Variants in TYK2 observed in about 807,000 individuals in gnomAD.
The protein encoded by TYK2 is non-receptor tyrosine-protein kinase TYK2.
Under a neutral mutation model 130.9 loss-of-function variants are expected in TYK2, and 65 were observed. The observed-to-expected ratio is 0.50, with a 90% CI of 0.41 to 0.61. TYK2 has a LOEUF of 0.61. TYK2 is among the 20% of genes least tolerant of loss of function. The pLI is 0.00. For synonymous variants in TYK2, 647 were observed against 658.9 expected (o/e 0.98, Z 0.28); for missense variants, 1,378 against 1,610.7 (o/e 0.86, Z 2.47).
chr19:10,366,584 G>A lies in TYK2; in HGVS notation c.466-4C>T. The A allele has an allele frequency of 1.9e-6, 3 of 1,613,998 alleles. No homozygotes were observed. The highest frequency in any genetic ancestry group is 2.5e-6 in the Non-Finnish European group (3 of 1,180,002). ...CATTCACAAACTCATGCTTGCCCTG[G>A]GAACAGGAAATTGAGCAGAAAGGGA... On this transcript the variant is annotated splice_polypyrimidine_tract_variant and splice_region_variant and intron_variant, in intron 5 of 24. Transcript: ENST00000525621.
In TYK2 at chr19:10,352,923, C is replaced by T. The variant is rs143533630; in HGVS notation, c.3200+3G>A. The T allele has an allele frequency of 5.9e-4, 942 of 1,605,776 alleles. 13 individuals carry two copies. In the South Asian group the frequency reaches 7.7e-3, roughly 13 times the overall value. On this transcript the variant is annotated splice_donor_region_variant and intron_variant, in intron 22 of 24. Coordinates refer to ENST00000525621, the MANE Select transcript of TYK2 (RefSeq NM_003331.5). ...CCCCTCAGACTGCACCCCGCCTGGT[C>T]ACCAGAACACGGGGCTGTCCCCATC...
intron 14 of TYK2, among the ~76,000 whole-genome samples, chr19:10,360,554 G>A (rs947555936): frequency 6.6e-6 from 1 of 151,916 alleles, no homozygotes; most frequent in Non-Finnish European, 1.5e-5. Flanking sequence ...TGGGGGGGAT[G>A]GGCATGGATA....
intron 14 of TYK2, among the ~76,000 whole-genome samples, chr19:10,360,557 C>T (rs907906516): frequency 6.6e-6 from 1 of 151,502 alleles, no homozygotes; most frequent in Non-Finnish European, 1.5e-5. Flanking sequence ...GGGGGATGGG[C>T]ATGGATAAGC....
Position 10,364,764 on chromosome 19 carries a change from C to T in TYK2, c.1217G>A (p.Ser406Asn). The change falls in exon 9 of 25, where the codon AGC becomes AAC. Residue 406 changes from serine (S) to asparagine (N), a missense_variant. By Grantham distance (46) the Ser-to-Asn change is conservative. Coordinates refer to ENST00000525621, the MANE Select transcript of TYK2 (RefSeq NM_003331.5). The surrounding 1 kb of genome is among the most constrained non-coding windows in gnomAD (Gnocchi z 4.9). ...HRQDNKCLEL[S>N]LPSRAAALSF... ...CAGCGCCGCAGCCCGGGAAGGCAAG[C>T]TCAGCTCCTGCCAGCCAGGGGCGCA... 8 of 1,614,014 alleles carry T rather than the reference C, an allele frequency of 5.0e-6. No individual in the cohort carries two copies. The highest frequency in any genetic ancestry group is 6.8e-6 in the Non-Finnish European group (8 of 1,180,028).
chr19:10,361,148 C>T lies in TYK2; in HGVS notation c.2047+363G>A, dbSNP rs371459987. The T allele has an allele frequency of 4.0e-4, 201 of 508,750 alleles. No homozygotes were observed. In the East Asian group the frequency reaches 4.6e-3, roughly 12 times the overall value. 31.5% of individuals were successfully genotyped at this position (508,750 alleles called of 1,614,324 possible). ...GCTGAGGCCTAGGAGAATCAGCACA[C>T]ATCAGCACTGGAGTCTGCCTGAGGC... On this transcript the variant is annotated intron_variant, in intron 14 of 24. Transcript: ENST00000525621. The surrounding 1 kb of genome is among the most constrained non-coding windows in gnomAD (Gnocchi z 4.0).
chr19:10,377,876 GCGT>G (rs1441340818), intron 3 of TYK2, among the ~76,000 whole-genome samples: 2 of 64,474 alleles, frequency 3.1e-5, no homozygotes, highest in South Asian at 6.4e-4. Flanking sequence ...GTGGATGGAT[GCGT>G]GGGTGGATGG....
Position 10,352,921 on chromosome 19 carries a change from G to C in TYK2, c.3200+5C>G, listed in dbSNP as rs2040885783. 6.2e-7 allele frequency: 1 copy of C among 1,605,192 alleles called. No homozygotes were observed. Among genetic ancestry groups the C allele is most frequent in the Non-Finnish European group, 8.5e-7 (1 of 1,176,824 alleles). ...ACCCCCTCAGACTGCACCCCGCCTG[G>C]TCACCAGAACACGGGGCTGTCCCCA... On this transcript the variant is annotated splice_donor_5th_base_variant and intron_variant, in intron 22 of 24. Coordinates refer to ENST00000525621, the MANE Select transcript of TYK2 (RefSeq NM_003331.5).
At position 10,353,176 on chromosome 19, in the gene TYK2, G is replaced by T; in HGVS notation, c.3028-78C>A. The T allele has an allele frequency of 7.7e-7, 1 of 1,302,166 alleles. No individual in the cohort carries two copies. 80.7% of individuals were successfully genotyped at this position (1,302,166 alleles called of 1,614,324 possible). A position where few individuals can be genotyped will look rare whatever the true frequency, so the allele number is the denominator to read the frequency against. On this transcript the variant is annotated intron_variant, in intron 21 of 24. Coordinates refer to ENST00000525621, the MANE Select transcript of TYK2 (RefSeq NM_003331.5). The surrounding 1 kb of genome is among the most constrained non-coding windows in gnomAD (Gnocchi z 6.9). ...GCGGCGGCAGGACCTGAGCAGCCAG[G>T]AGGGCTGGGGGACAGTCAGGTCAGG...
At chr19:10,363,740 G>T (rs77000928) in intron 9 of TYK2, among the ~76,000 whole-genome samples, 18 of 152,210 alleles carry the variant, frequency 1.2e-4, no homozygotes, top group Admixed American at 1.2e-3. Flanking sequence ...ACTATAAAGT[G>T]TCATGGTCAC....
In TYK2 at chr19:10,356,705, T is replaced by C. The variant is rs1201856789; in HGVS notation, c.2480A>G (p.Tyr827Cys). 1 of 1,608,546 alleles carries C rather than the reference T, an allele frequency of 6.2e-7. No individual in the cohort carries two copies. Among genetic ancestry groups the C allele is most frequent in the African/African-American group, 1.3e-5 (1 of 74,792 alleles). ...CTCGGGCAGCCGGTGCTGCCTCTGG[T>C]AGAAATGCTCCTTCTGTTGGGAAAG... is the stretch of plus-strand genomic sequence containing the variant. ...SRSPSEKEHF[Y>C]QRQHRLPEPS... The change falls in exon 18 of 25, where the codon TAC becomes TGC. Residue 827 changes from tyrosine (Y) to cysteine (C), a missense_variant. Physicochemically the swap from Tyr to Cys is radical, Grantham distance 194 (BLOSUM62 -2). Coordinates refer to ENST00000525621, the MANE Select transcript of TYK2 (RefSeq NM_003331.5).
At chr19:10,373,607 AGGC>A (rs1464745403) in intron 3 of TYK2, among the ~76,000 whole-genome samples, 1 of 152,198 alleles carries the variant, frequency 6.6e-6, no homozygotes, top group East Asian at 1.9e-4. Flanking sequence ...CTGGGATTAC[AGGC>A]GTGACCCACT....
intron 2 of TYK2, 124 bp from the exon 3 acceptor site, chr19:10,378,550 C>T: frequency 1.3e-6 from 1 of 744,190 alleles, no homozygotes; most frequent in Non-Finnish European, 2.2e-6. Context: ...CTTGGCATGA[C>T]ATTAGAGACC....
chr19:10,351,414 G>A (rs557819658), intron 23 of TYK2: 25 of 412,730 alleles, frequency 6.1e-5, no homozygotes, highest in African/African-American at 4.9e-4. Flanking sequence ...CTGAACCTGG[G>A]AGGCGGAGGT....
rs1355888837 is a variant in TYK2, at chr19:10,362,628, G to C, written c.1397C>G (p.Pro466Arg). 1 of 1,551,858 alleles carries C rather than the reference G, an allele frequency of 6.4e-7. No homozygotes were observed. The highest frequency in any genetic ancestry group is 1.4e-5 in the African/African-American group (1 of 73,062). The change falls in exon 10 of 25, where the codon CCC becomes CGC. Residue 466 changes from proline to arginine, a missense_variant. Physicochemically the swap from Pro to Arg is moderately radical, Grantham distance 103. Transcript: ENST00000525621. ...GTGAATGAGGTACAGGCCGTCCTCG[G>C]GCCGCAGCTTGGCCTGCACAAATGG... The part of the protein sequence containing the change: ...LEPFVQAKLR[P>R]EDGLYLIHWS...
At chr19:10,356,466 C>A in intron 18 of TYK2, 102 bp downstream of exon 18, 1 of 1,491,390 alleles carries the variant, frequency 6.7e-7, no homozygotes, top group South Asian at 1.2e-5. Flanking sequence ...TGGCACACAC[C>A]CTGAACCACT....
rs2040966315 is a variant in TYK2, at chr19:10,354,228, A to T, written c.2722T>A (p.Phe908Ile). The stretch of plus-strand genomic sequence containing the variant: ...TAGCAGTACAAGCTGACCTTGCCGA[A>T]GTGACCCTGGTCGGGAGCGCACGAG... ...KKIRDLGEGH[F>I]GKVSLYCYDP... The change falls in exon 20 of 25, where the codon TTC becomes ATC. Residue 908 changes from phenylalanine to isoleucine, a missense_variant. Transcript: ENST00000525621. 6.2e-7 allele frequency: 1 copy of T among 1,612,384 alleles called. No homozygotes were observed. Among genetic ancestry groups the T allele is most frequent in the East Asian group, 2.2e-5 (1 of 44,874 alleles).
At chr19:10,378,823 GTTTTA>G (rs2042262100) in intron 2 of TYK2, among the ~76,000 whole-genome samples, 1 of 143,606 alleles carries the variant, frequency 7.0e-6, no homozygotes, top group South Asian at 2.2e-4. Context: ...TCTACAAGAC[GTTTTA>G]TTTTATATCT....
At chr19:10,378,885 T>A (rs1042025066) in intron 2 of TYK2, among the ~76,000 whole-genome samples, 4 of 143,426 alleles carry the variant, frequency 2.8e-5, no homozygotes, top group African/African-American at 1.0e-4. Flanking sequence ...ATCTTATTTT[T>A]GAGACAGAGT....
At chr19:10,369,912 C>T (rs765728657) in intron 3 of TYK2, 11 of 344,008 alleles carry the variant, frequency 3.2e-5, no homozygotes, top group African/African-American at 1.1e-4. Context: ...GGCATGGTGG[C>T]GGATGCCTGT....
Sources: gnomAD v4.1 joint callset for allele counts (sites outside exome capture counted in the v4.1 genomes callset) on GRCh38, gnomAD v4.1.1 for gene constraint, Gnocchi (gnomAD v3.1) non-coding constraint, MANE v1.5 for transcripts, NCBI Gene and HGNC (gene_info 2026-07-23, HGNC 2026-07-21) for gene names.